The following TYW1B variants were observed in gnomAD, a reference collection of about 807,000 sequenced individuals.
TYW1B encodes the protein tRNA-yW synthesizing protein 1 homolog B.
A neutral mutation model predicts 86.9 loss-of-function variants in TYW1B; 73 were observed. The observed-to-expected ratio is 0.84, with a 90% CI of 0.70 to 1.02. The LOEUF is 1.02. TYW1B is among the 50% of genes least tolerant of loss of function. TYW1B has a pLI of 0.00. For synonymous variants in TYW1B, 248 were observed against 292.8 expected (o/e 0.85, Z 1.56); for missense variants, 637 against 827.4 (o/e 0.77, Z 2.82).
chr7:72,643,519 G>A lies in TYW1B; in HGVS notation c.1507-14522C>T, dbSNP rs1159958193. Among the ~76,000 whole-genome samples, 6 of 151,902 alleles carry A rather than the reference G, an allele frequency of 3.9e-5. No homozygotes were observed. In the East Asian group the frequency reaches 9.7e-4, roughly 25 times the overall value. On this transcript the variant is annotated intron_variant, in intron 11 of 13. Transcript: ENST00000620995. ...GGAGAACCGCTTGAACCTGGGAGGC[G>A]GAGGTGGCAGTCAGCCAAGATCGCA...
Position 72,828,170 on chromosome 7 carries a change from T to C in TYW1B, c.-95A>G. The C allele has an allele frequency of 6.3e-7, 1 of 1,586,168 alleles. No individual in the cohort carries two copies. The highest frequency in any genetic ancestry group is 8.6e-7 in the Non-Finnish European group (1 of 1,165,868). On this transcript the variant is annotated 5_prime_UTR_variant, in exon 1 of 14. Coordinates refer to ENST00000620995, the MANE Select transcript of TYW1B (RefSeq NM_001145440.3). ...AGACGCACCGAGCTACCTCGCGGCG[T>C]TAGCGCCGTACCGAGTGGCTGCAGA...
At chr7:72,731,499 A>C (rs1787110415) in intron 8 of TYW1B, among the ~76,000 whole-genome samples, 1 of 151,960 alleles carries the variant, frequency 6.6e-6, no homozygotes, top group South Asian at 2.1e-4. Context: ...ATGTAAATGG[A>C]TTAAAGTCCC....
chr7:72,678,569 A>T (rs1397183981), intron 11 of TYW1B, among the ~76,000 whole-genome samples: 2 of 152,154 alleles, frequency 1.3e-5, no homozygotes, highest in Non-Finnish European at 2.9e-5. Context: ...GGCAAAACCT[A>T]AAACCCTGAC....
intron 13 of TYW1B, among the ~76,000 whole-genome samples, chr7:72,599,356 C>T (rs1439488533): frequency 6.6e-6 from 1 of 152,016 alleles, no homozygotes; most frequent in Non-Finnish European, 1.5e-5. Flanking sequence ...ATTAAAAACC[C>T]TCAGCAAACT....
chr7:72,639,996 A>G (rs1419440631), intron 11 of TYW1B, among the ~76,000 whole-genome samples: 1 of 152,200 alleles, frequency 6.6e-6, no homozygotes, highest in Non-Finnish European at 1.5e-5. Flanking sequence ...GCTATTGCTT[A>G]TAAAATGATA....
intron 7 of TYW1B, among the ~76,000 whole-genome samples, chr7:72,753,130 AAAG>A (rs782238831): frequency 6.6e-6 from 1 of 152,056 alleles, no homozygotes; most frequent in Non-Finnish European, 1.5e-5. Context: ...AAAAAAAAAG[AAAG>A]AAGAGCTCGC....
chr7:72,822,182 AAAG>A (rs1373159483), intron 2 of TYW1B, among the ~76,000 whole-genome samples: 17 of 149,504 alleles, frequency 1.1e-4, no homozygotes, highest in African/African-American at 2.2e-4. Context: ...AAAAAAAAAA[AAAG>A]AAGAAGAAGA....
At chr7:72,648,827 T>C (rs1487670672) in intron 11 of TYW1B, among the ~76,000 whole-genome samples, 3 of 151,668 alleles carry the variant, frequency 2.0e-5, no homozygotes, top group African/African-American at 2.4e-5. Flanking sequence ...AAGAGATGAG[T>C]GCAAGAAAGC....
At chr7:72,774,172 A>G (rs1787913435) in intron 7 of TYW1B, among the ~76,000 whole-genome samples, 1 of 152,058 alleles carries the variant, frequency 6.6e-6, no homozygotes, top group African/African-American at 2.4e-5. Flanking sequence ...TGATGCTTAC[A>G]GCAGGCTGAG....
At chr7:72,606,442 G>GCCCTCCTCCTC (rs1360012859) in intron 13 of TYW1B, among the ~76,000 whole-genome samples, 2 of 152,110 alleles carry the variant, frequency 1.3e-5, no homozygotes, top group East Asian at 3.9e-4. Context: ...GGGGAATCCT[G>GCCCTCCTCCTC]CCCTCCTCCT....
intron 9 of TYW1B, 56 bp from the exon 10 acceptor site, chr7:72,713,854 C>T (rs1444082051): frequency 4.0e-6 from 6 of 1,482,818 alleles, no homozygotes; most frequent in South Asian, 1.5e-5. Flanking sequence ...GAGGATGTCA[C>T]GTTTTTCTTA....
intron 7 of TYW1B, among the ~76,000 whole-genome samples, chr7:72,745,460 G>A (rs1207956665): frequency 6.6e-6 from 1 of 152,048 alleles, no homozygotes; most frequent in Non-Finnish European, 1.5e-5. Context: ...CATATAAGTT[G>A]GTACATGTAG....
intron 11 of TYW1B, among the ~76,000 whole-genome samples, 193 bp downstream of exon 11, chr7:72,694,494 T>C (rs1486186867): frequency 9.9e-5 from 15 of 152,238 alleles, no homozygotes; most frequent in Non-Finnish European, 1.9e-4. Flanking sequence ...TCAATAATTA[T>C]TTAACAAATA....
rs144455586 is a variant in TYW1B at position 72,810,139 on chromosome 7, G to T, written c.432+332C>A. 6.1e-3 allele frequency among the ~76,000 whole-genome samples: 919 copies of T among 150,390 alleles called. 7 individuals are homozygous for T. The highest frequency in any genetic ancestry group is 0.022 in the African/African-American group (885 of 40,876). ...GTAAAAATACAAAAATTGGCCAAGC[G>T]TGGTGGCACATGCCTGTAATCCCAG... On this transcript the variant is annotated intron_variant, in intron 4 of 13. Coordinates refer to ENST00000620995, the MANE Select transcript of TYW1B (RefSeq NM_001145440.3).
chr7:72,580,657 GAGA>G (rs1811131974), intron 13 of TYW1B, among the ~76,000 whole-genome samples: 1 of 152,118 alleles, frequency 6.6e-6, no homozygotes, highest in Admixed American at 6.6e-5. Flanking sequence ...TTCACACAGG[GAGA>G]ATTTCACTAA....
chr7:72,652,377 GAAAAAAAAAAAAA>G (rs1169791430), intron 11 of TYW1B, among the ~76,000 whole-genome samples: 851 of 31,348 alleles, frequency 0.027, 21 homozygotes, highest in African/African-American at 0.071. Context: ...GACTCTGTCT[GAAAAAAAAAAAAA>G]AAAAAAAAAA....
chr7:72,597,864 A>C (rs554714721), intron 13 of TYW1B, among the ~76,000 whole-genome samples: 507 of 152,134 alleles, frequency 3.3e-3, no homozygotes, highest in Non-Finnish European at 3.8e-3. Context: ...AGATGACTTC[A>C]AAGAACAAGC....
chr7:72,810,580 C>G lies in TYW1B; in HGVS notation c.323G>C (p.Trp108Ser). The change falls in exon 4 of 14, where the codon TGG becomes TCG. Residue 108 changes from tryptophan to serine, a missense_variant. Coordinates refer to ENST00000620995, the MANE Select transcript of TYW1B (RefSeq NM_001145440.3). ...PTESAEWFCK[W>S]LEEASIDFRF... is the part of the protein sequence containing the mutation. The stretch of plus-strand genomic sequence containing the variant: ...AAAATCAATGGATGCTTCCTCTAAC[C>G]ATTTGCAGAACCACTCTGCACTTTC... 1 of 1,613,916 alleles carries G rather than the reference C, an allele frequency of 6.2e-7. No homozygotes were observed. The highest frequency in any genetic ancestry group is 1.1e-5 in the South Asian group (1 of 91,072).
At chr7:72,825,980 T>G (rs1788922797) in intron 2 of TYW1B, among the ~76,000 whole-genome samples, 1 of 152,136 alleles carries the variant, frequency 6.6e-6, no homozygotes, top group African/African-American at 2.4e-5. Context: ...ATAAAGAAGG[T>G]TAGATGACCA....
Sources: allele counts gnomAD v4.1 joint callset (sites outside exome capture counted in the v4.1 genomes callset), GRCh38; gene constraint gnomAD v4.1.1; transcripts MANE v1.5; gene names NCBI Gene and HGNC (gene_info 2026-07-23, HGNC 2026-07-21).